The following KIRREL1 variants were observed in gnomAD, a reference collection of about 807,000 sequenced individuals.
KIRREL1 encodes kin of IRRE-like protein 1.
Under a neutral mutation model 83.3 loss-of-function variants are expected in KIRREL1, and 25 were observed. The observed-to-expected ratio is 0.30, with a 90% CI of 0.22 to 0.42. The LOEUF (loss-of-function observed/expected upper bound fraction) is 0.42, where lower values mean the gene tolerates loss of function less well. Among genes scored for constraint, KIRREL1 ranks in the 10% least tolerant of loss-of-function variants. The pLI is 1.00. For missense variants in KIRREL1, 812 were observed against 1,032.3 expected (o/e 0.79, Z 2.92); for synonymous variants, 388 against 410.4 (o/e 0.95, Z 0.66).
At chr1:158,036,940 G>C (rs562035570) in intron 1 of KIRREL1, among the ~76,000 whole-genome samples, 1 of 152,194 alleles carries the variant, frequency 6.6e-6, no homozygotes. Flanking sequence ...GCCTTGGCGG[G>C]CAGGTCTGGA....
At chr1:158,084,278 TG>T in intron 3 of KIRREL1, 143 bp from the exon 4 acceptor site, 1 of 672,960 alleles carries the variant, frequency 1.5e-6, no homozygotes, top group Non-Finnish European at 2.5e-6. Context: ...ATGAAGACAG[TG>T]GTTGTAGATT....
chr1:158,095,285 G>T lies in KIRREL1; in HGVS notation c.*165G>T, dbSNP rs1476876604. The T allele has an allele frequency of 4.9e-6, 3 of 610,908 alleles. No homozygotes were observed. Among genetic ancestry groups the T allele is most frequent in the Non-Finnish European group, 8.6e-6 (3 of 348,616 alleles). The allele number at this position is 610,908 out of a possible 1,614,324, so 37.8% of individuals were successfully genotyped here. On this transcript the variant is annotated 3_prime_UTR_variant, in exon 15 of 15. Coordinates refer to ENST00000359209, the MANE Select transcript of KIRREL1 (RefSeq NM_018240.7). The stretch of plus-strand genomic sequence containing the variant: ...TCTCCCAGAAACACCCCGTCCCGAG[G>T]ATGGTGCTCTGTGCATGCCCCAGCC...
rs568799601 is a variant in KIRREL1, at chr1:158,057,949, C to G, written c.53-18164C>G. The stretch of plus-strand genomic sequence containing the variant: ...GATGACACTGCTACTTCAAACAAAT[C>G]CTTGGTGAATTATTAGGTAAAGAGA... On this transcript the variant is annotated intron_variant, in intron 1 of 14. Transcript: ENST00000359209. 3.9e-5 allele frequency among the ~76,000 whole-genome samples: 6 copies of G among 152,248 alleles called. No homozygotes were observed. The South Asian group carries it at 1.2e-3, about 32-fold the overall frequency.
intron 1 of KIRREL1, among the ~76,000 whole-genome samples, chr1:157,998,787 C>T (rs1251250588): frequency 6.6e-6 from 1 of 152,144 alleles, no homozygotes; most frequent in East Asian, 1.9e-4. Context: ...TAGCCTGTGC[C>T]CTGGGGAACT....
rs150902447 is a variant in KIRREL1 at position 158,030,064 on chromosome 1, G to T, written c.52+36336G>T. The stretch of plus-strand genomic sequence containing the variant: ...GTGTATAAGGCAGGTCAGGGTTTTT[G>T]ATTTTTATTTCTCAGGTATGGAAAT... On this transcript the variant is annotated intron_variant, in intron 1 of 14. Coordinates refer to ENST00000359209, the MANE Select transcript of KIRREL1 (RefSeq NM_018240.7). Among the ~76,000 whole-genome samples the T allele has an allele frequency of 7.3e-4, 111 of 152,232 alleles. 1 individual carries two copies. Among genetic ancestry groups the T allele is most frequent in the African/African-American group, 2.6e-3 (106 of 41,544 alleles).
chr1:158,071,647 C>T (rs1023269058), intron 1 of KIRREL1, among the ~76,000 whole-genome samples: 12 of 152,276 alleles, frequency 7.9e-5, no homozygotes, highest in Admixed American at 2.0e-4. Context: ...CCCGGGAGGC[C>T]ACCTTCCCAC....
intron 1 of KIRREL1, among the ~76,000 whole-genome samples, chr1:158,059,462 C>T (rs1661153425): frequency 6.6e-6 from 1 of 152,194 alleles, no homozygotes; most frequent in Non-Finnish European, 1.5e-5. Context: ...CATGTCCACC[C>T]TGGCTTGGCC....
chr1:158,043,676 A>T (rs1488766953), intron 1 of KIRREL1, among the ~76,000 whole-genome samples: 1 of 152,154 alleles, frequency 6.6e-6, no homozygotes, highest in South Asian at 2.1e-4. Flanking sequence ...GGCTGTGGAG[A>T]AGGCCTCTGC....
chr1:158,040,034 A>C (rs1310493306), intron 1 of KIRREL1, among the ~76,000 whole-genome samples: 1 of 152,208 alleles, frequency 6.6e-6, no homozygotes, highest in African/African-American at 2.4e-5. Flanking sequence ...GGGGTTCTCC[A>C]GTGGAAAGCA....
chr1:158,057,859 T>G (rs1661107104), intron 1 of KIRREL1, among the ~76,000 whole-genome samples: 1 of 152,234 alleles, frequency 6.6e-6, no homozygotes. Flanking sequence ...TGGACCTCAG[T>G]GTCCTTATCT....
intron 3 of KIRREL1, among the ~76,000 whole-genome samples, chr1:158,078,895 G>A (rs1570985674): frequency 6.6e-6 from 1 of 152,150 alleles, no homozygotes; most frequent in Admixed American, 6.5e-5. Flanking sequence ...ATAATGAGGG[G>A]ACTCTCTCCT....
Position 158,091,555 on chromosome 1 carries a change from A to T in KIRREL1, c.1470A>T (p.Arg490=). ...PGTAIIQLEE[R]EVLPVGIIAG... ...CAGCCATCATCCAGCTGGAAGAGCG[A>T]GGTGACTGGTAGTGCTGCCTGCCAG... is the stretch of plus-strand genomic sequence containing the variant. Residue 490 remains arginine (R), a splice_region_variant and synonymous_variant, in exon 11 of 15, where the codon CGA becomes CGT. Coordinates refer to ENST00000359209, the MANE Select transcript of KIRREL1 (RefSeq NM_018240.7). 1 of 1,614,068 alleles carries T rather than the reference A, an allele frequency of 6.2e-7. No homozygotes were observed. The highest frequency in any genetic ancestry group is 8.5e-7 in the Non-Finnish European group (1 of 1,179,994).
At chr1:158,031,884 G>A (rs147405224) in intron 1 of KIRREL1, among the ~76,000 whole-genome samples, 3 of 152,132 alleles carry the variant, frequency 2.0e-5, no homozygotes, top group African/African-American at 7.2e-5. Flanking sequence ...CAAAATTTGA[G>A]ACTAGCCTGG....
At chr1:158,085,462 C>T (rs1438789391) in intron 4 of KIRREL1, among the ~76,000 whole-genome samples, 1 of 152,208 alleles carries the variant, frequency 6.6e-6, no homozygotes, top group Non-Finnish European at 1.5e-5. Flanking sequence ...ATAATTCAGC[C>T]TCAGTGGTAC....
At chr1:158,032,098 G>GAAAA (rs67163306) in intron 1 of KIRREL1, among the ~76,000 whole-genome samples, 1 of 150,990 alleles carries the variant, frequency 6.6e-6, no homozygotes, top group Non-Finnish European at 1.5e-5. Flanking sequence ...GAAAAGAAAA[G>GAAAA]AAAAACAAAC....
intron 1 of KIRREL1, among the ~76,000 whole-genome samples, chr1:158,029,011 C>T (rs1032318013): frequency 6.6e-6 from 1 of 152,164 alleles, no homozygotes; most frequent in Non-Finnish European, 1.5e-5. Context: ...TTATTAAACA[C>T]ATAATTGCGT....
chr1:158,001,399 T>C (rs1249002281), intron 1 of KIRREL1, among the ~76,000 whole-genome samples: 1 of 152,210 alleles, frequency 6.6e-6, no homozygotes. Context: ...CAACTGTACA[T>C]TATTATATGC....
chr1:158,075,994 C>T (rs752431978), intron 1 of KIRREL1, 119 bp from the exon 2 acceptor site: 62 of 888,802 alleles, frequency 7.0e-5, no homozygotes, highest in Middle Eastern at 3.5e-4. Context: ...GGGCAGGGAC[C>T]GGAGAGTCCC....
chr1:158,049,619 A>G (rs1660861700), intron 1 of KIRREL1, among the ~76,000 whole-genome samples: 1 of 152,226 alleles, frequency 6.6e-6, no homozygotes. Context: ...TCATTCTGGC[A>G]ACTTTGTTGG....
Sources: gnomAD v4.1 joint callset for allele counts (sites outside exome capture counted in the v4.1 genomes callset) on GRCh38, gnomAD v4.1.1 for gene constraint, MANE v1.5 for transcripts, NCBI Gene and HGNC (gene_info 2026-07-23, HGNC 2026-07-21) for gene names.